Variants in NAALADL2 observed in about 807,000 individuals in gnomAD.
The protein encoded by NAALADL2 is inactive N-acetylated-alpha-linked acidic dipeptidase-like protein 2.
NAALADL2 carries 76 observed loss-of-function variants against 87.2 expected under a neutral mutation model. The observed-to-expected ratio is 0.87, with a 90% confidence interval of 0.72 to 1.05. The LOEUF is 1.05. Among genes scored for constraint, NAALADL2 ranks in the 50% least tolerant of loss-of-function variants. The pLI, the probability that NAALADL2 is intolerant of heterozygous loss-of-function variation, is 0.00. For synonymous variants in NAALADL2, 354 were observed against 331.0 expected (o/e 1.07, Z -0.75); for missense variants, 1,089 against 945.8 (o/e 1.15, Z -1.99).
intron 2 of NAALADL2, among the ~76,000 whole-genome samples, chr3:175,198,506 A>C (rs1739338512): frequency 6.6e-6 from 1 of 152,120 alleles, no homozygotes; most frequent in South Asian, 2.1e-4. Context: ...AAATATATGA[A>C]ATATACCTGC....
chr3:175,587,797 AC>A (rs1391668557), intron 10 of NAALADL2, among the ~76,000 whole-genome samples: 13 of 152,114 alleles, frequency 8.5e-5, no homozygotes, highest in African/African-American at 2.2e-4. Flanking sequence ...ATGTGTGGAC[AC>A]CCAGTTTGCA....
chr3:174,877,209 A>T (rs551333942), intron 1 of NAALADL2, among the ~76,000 whole-genome samples: 1 of 152,254 alleles, frequency 6.6e-6, no homozygotes, highest in African/African-American at 2.4e-5. Flanking sequence ...CAAAGAAGCT[A>T]CTTAGACGCT....
intron 8 of NAALADL2, among the ~76,000 whole-genome samples, chr3:175,470,051 A>T (rs1220076754): frequency 6.6e-6 from 1 of 152,156 alleles, no homozygotes; most frequent in East Asian, 1.9e-4. Context: ...CAGTGAAAGC[A>T]TGCAGTATTT....
At chr3:174,483,539 A>T (rs1482705086) in intron 1 of NAALADL2, among the ~76,000 whole-genome samples, 1 of 152,034 alleles carries the variant, frequency 6.6e-6, no homozygotes, top group Non-Finnish European at 1.5e-5. Context: ...TGAGATTTGG[A>T]TGGGGACACA....
At chr3:175,106,573 C>T in intron 2 of NAALADL2, among the ~76,000 whole-genome samples, 1 of 152,026 alleles carries the variant, frequency 6.6e-6, no homozygotes, top group East Asian at 1.9e-4. Flanking sequence ...TCAGGTATGT[C>T]AATTTCCTGT....
chr3:174,660,006 T>C (rs1007964393), intron 2 of NAALADL2, among the ~76,000 whole-genome samples: 1 of 152,150 alleles, frequency 6.6e-6, no homozygotes, highest in Non-Finnish European at 1.5e-5. Flanking sequence ...TTGAAATGAA[T>C]GTAAGAATCT....
chr3:174,609,497 A>G (rs1719550539), intron 2 of NAALADL2, among the ~76,000 whole-genome samples: 1 of 152,160 alleles, frequency 6.6e-6, no homozygotes, highest in Non-Finnish European at 1.5e-5. Flanking sequence ...TACAAAAATC[A>G]CAAGCATTCT....
At chr3:174,872,303 A>G (rs1461928921) in intron 1 of NAALADL2, among the ~76,000 whole-genome samples, 2 of 152,172 alleles carry the variant, frequency 1.3e-5, no homozygotes, top group Admixed American at 6.5e-5. Context: ...CCACATGAAA[A>G]TGGCCCTTCA....
intron 1 of NAALADL2, among the ~76,000 whole-genome samples, chr3:174,938,505 T>G (rs1738049357): frequency 6.6e-6 from 1 of 152,130 alleles, no homozygotes; most frequent in African/African-American, 2.4e-5. Flanking sequence ...TGTGTCTGTA[T>G]GATAGAATGA....
intron 4 of NAALADL2, among the ~76,000 whole-genome samples, chr3:175,277,875 A>G (rs569953283): frequency 6.6e-6 from 1 of 152,324 alleles, no homozygotes; most frequent in South Asian, 2.1e-4. Flanking sequence ...CTAACTACAG[A>G]TCACTTACTG....
intron 3 of NAALADL2, among the ~76,000 whole-genome samples, chr3:174,800,083 A>G (rs1718636073): frequency 2.6e-5 from 4 of 152,198 alleles, no homozygotes; most frequent in African/African-American, 7.2e-5. Flanking sequence ...AAAGGGAAAC[A>G]GCATGAAAGT....
intron 2 of NAALADL2, among the ~76,000 whole-genome samples, chr3:174,607,418 A>T (rs887630512): frequency 1.7e-4 from 26 of 150,986 alleles, no homozygotes; most frequent in African/African-American, 5.6e-4. Flanking sequence ...TATTCAGGAA[A>T]CCCATCTCAC....
Position 175,075,713 on chromosome 3 carries a change from G to A in NAALADL2, c.44-21077G>A, listed in dbSNP as rs140479992. On this transcript the variant is annotated intron_variant, in intron 1 of 13. Transcript: ENST00000454872. ...TGGTTCAATAACTTGAAACCTGAGG[G>A]ACGAAAGTTGTCTAGTCAGGCCCAG... Among the ~76,000 whole-genome samples the A allele has an allele frequency of 5.5e-3, 832 of 152,214 alleles. 7 individuals are homozygous for A. The highest frequency in any genetic ancestry group is 0.019 in the African/African-American group (799 of 41,522).
At chr3:175,285,417 G>T (rs1754860293) in intron 4 of NAALADL2, among the ~76,000 whole-genome samples, 1 of 152,054 alleles carries the variant, frequency 6.6e-6, no homozygotes, top group Non-Finnish European at 1.5e-5. Context: ...CTGTGATATT[G>T]TTGATTATTT....
chr3:175,029,582 G>C (rs1217044073), intron 1 of NAALADL2, among the ~76,000 whole-genome samples: 1 of 151,958 alleles, frequency 6.6e-6, no homozygotes, highest in Non-Finnish European at 1.5e-5. Flanking sequence ...AGTTAAAAGG[G>C]GAGAAAACGA....
chr3:174,623,652 TA>T (rs35964595), intron 2 of NAALADL2, among the ~76,000 whole-genome samples: 3 of 151,384 alleles, frequency 2.0e-5, no homozygotes, highest in East Asian at 1.9e-4. Flanking sequence ...ATGTATTTAT[TA>T]AAAAAAAGTG....
chr3:175,447,476 C>A, intron 6 of NAALADL2, 104 bp downstream of exon 6: 2 of 752,074 alleles, frequency 2.7e-6, no homozygotes, highest in Non-Finnish European at 3.8e-6. Flanking sequence ...TTTTCAAAAA[C>A]ATTGACTTTT....
intron 12 of NAALADL2, among the ~76,000 whole-genome samples, chr3:175,737,725 T>G (rs1744695810): frequency 1.4e-5 from 2 of 140,512 alleles, no homozygotes; most frequent in Non-Finnish European, 1.5e-5. Flanking sequence ...TTTTTTTTTT[T>G]TTTTTTTTTT....
chr3:175,694,559 G>T (rs555782893), intron 11 of NAALADL2, among the ~76,000 whole-genome samples: 1 of 152,070 alleles, frequency 6.6e-6, no homozygotes, highest in East Asian at 1.9e-4. Flanking sequence ...GCATTCATAT[G>T]CAATGAATAT....
Sources: allele counts gnomAD v4.1 joint callset (sites outside exome capture counted in the v4.1 genomes callset), GRCh38; gene constraint gnomAD v4.1.1; transcripts MANE v1.5; gene names NCBI Gene and HGNC (gene_info 2026-07-23, HGNC 2026-07-21).